Variants in PBRM1 observed in about 807,000 individuals in gnomAD.
The protein encoded by PBRM1 is protein polybromo-1.
A neutral mutation model predicts 194.5 loss-of-function variants in PBRM1; 27 were observed. The ratio of observed to expected loss-of-function variants is 0.14; its 90% CI spans 0.10 to 0.19. The LOEUF is 0.19. Among genes scored for constraint, PBRM1 ranks in the 10% least tolerant of loss-of-function variants. PBRM1 has a pLI of 1.00. For synonymous variants in PBRM1, 655 were observed against 693.2 expected (o/e 0.94, Z 0.87); for missense variants, 1,466 against 2,077.2 (o/e 0.71, Z 5.72).
chr3:52,584,799 T>TAA (rs2092104328), intron 20 of PBRM1, among the ~76,000 whole-genome samples: 1 of 152,186 alleles, frequency 6.6e-6, no homozygotes, highest in African/African-American at 2.4e-5. Flanking sequence ...TTTGTTTATC[T>TAA]AACTACATTG....
intron 17 of PBRM1, among the ~76,000 whole-genome samples, chr3:52,595,012 A>G: frequency 6.6e-6 from 1 of 151,876 alleles, no homozygotes; most frequent in East Asian, 1.9e-4. Context: ...TGGAGAATCT[A>G]GTGATTGTGT....
At chr3:52,644,640 C>T in intron 8 of PBRM1, 64 bp downstream of exon 9, 1 of 716,904 alleles carries the variant, frequency 1.4e-6, no homozygotes, top group Non-Finnish European at 2.4e-6. Flanking sequence ...ACCTCAGCCT[C>T]CCAAAGTGCT....
At chr3:52,685,751 A>C in exon 1 of PBRM1, 2 of 182,050 alleles carry the variant, frequency 1.1e-5, no homozygotes, top group Non-Finnish European at 1.1e-5. Context: ...GGCCTTACCC[A>C]GCCGCTCCGC....
chr3:52,658,289 G>A (rs749979256), exon 5 of PBRM1: 4 of 1,609,624 alleles, frequency 2.5e-6, no homozygotes, highest in Non-Finnish European at 3.4e-6. Flanking sequence ...GCTGCTCCAG[G>A]ATCTCCTTCA....
chr3:52,637,425 C>T (rs997368588), intron 10 of PBRM1, among the ~76,000 whole-genome samples: 2 of 151,940 alleles, frequency 1.3e-5, no homozygotes, highest in East Asian at 1.9e-4. Context: ...TGAGCTCAGG[C>T]GTTTGAGACC....
chr3:52,644,870 CT>C, intron 7 of PBRM1, 81 bp from the exon 9 acceptor site: 2 of 609,538 alleles, frequency 3.3e-6, no homozygotes, highest in South Asian at 1.9e-5. Flanking sequence ...CAATGGGCAC[CT>C]TCTATGGCAC....
At chr3:52,651,837 C>G in intron 5 of PBRM1, 27 bp from the exon 7 acceptor site, 4 of 1,457,864 alleles carry the variant, frequency 2.7e-6, no homozygotes, top group South Asian at 1.2e-5. Context: ...CAGGCATGCT[C>G]AATAAGTTAA....
At chr3:52,606,930 T>C (rs1255101794) in intron 16 of PBRM1, among the ~76,000 whole-genome samples, 1 of 152,228 alleles carries the variant, frequency 6.6e-6, no homozygotes, top group Non-Finnish European at 1.5e-5. Flanking sequence ...TTTTCTCTTG[T>C]TACGTCTCAC....
chr3:52,545,637 G>A, downstream of PBRM1: 1 of 232,886 alleles, frequency 4.3e-6, no homozygotes, highest in East Asian at 6.0e-5. Context: ...AACCAAAACA[G>A]TTAAAGGCCT....
intron 13 of PBRM1, 65 bp from the exon 15 acceptor site, chr3:52,625,006 G>T: frequency 1.9e-6 from 2 of 1,064,978 alleles, no homozygotes; most frequent in Non-Finnish European, 2.8e-6. Context: ...GGAGGGTCAT[G>T]TACAAACCAT....
intron 22 of PBRM1, among the ~76,000 whole-genome samples, chr3:52,564,801 T>C (rs60832323): frequency 0.04 from 6,018 of 152,140 alleles, 400 homozygotes; most frequent in African/African-American, 0.14. Flanking sequence ...AGACAATTCA[T>C]TGGGGGAAAG....
intron 22 of PBRM1, among the ~76,000 whole-genome samples, chr3:52,568,838 T>C (rs1164117912): frequency 6.6e-6 from 1 of 152,206 alleles, no homozygotes; most frequent in Non-Finnish European, 1.5e-5. Context: ...TTTTAATATC[T>C]GGTAAGGATA....
At chr3:52,658,906 C>A (rs905205480) in intron 4 of PBRM1, among the ~76,000 whole-genome samples, 1 of 152,184 alleles carries the variant, frequency 6.6e-6, no homozygotes, top group Non-Finnish European at 1.5e-5. Context: ...AGTTTAAGTG[C>A]TACAAATGTG....
At chr3:52,645,847 T>C (rs1268036716) in intron 7 of PBRM1, among the ~76,000 whole-genome samples, 2 of 152,212 alleles carry the variant, frequency 1.3e-5, no homozygotes, top group African/African-American at 4.8e-5. Context: ...TATGAAGTGC[T>C]TATTTCTGGA....
At position 52,678,491 on chromosome 3, in the gene PBRM1, C is replaced by T. The variant is rs151007561; in HGVS notation, c.236+9G>A. On this transcript the variant is annotated intron_variant, in intron 2 of 29. Transcript: ENST00000296302. ...CCCCCGCAACTGTACTGATGTGCTT[C>T]GAACTCACCTTCGCTTTGGTGCCCT... is the stretch of plus-strand genomic sequence containing the variant. The T allele has an allele frequency of 1.2e-4, 188 of 1,581,498 alleles. 1 individual carries two copies. The East Asian group carries it at 3.2e-3, about 27-fold the overall frequency.
At position 52,641,130 on chromosome 3, in the gene PBRM1, A is replaced by T. The variant is rs560601998; in HGVS notation, c.1087+824T>A. Among the ~76,000 whole-genome samples, 5 of 152,304 alleles carry T rather than the reference A, an allele frequency of 3.3e-5. No homozygotes were observed. In the South Asian group the frequency reaches 8.3e-4, roughly 25 times the overall value. ...TCTATAGGAGATTTAGTTAAAAACA[A>T]GATACAACTGGAGAAGTCTGTTGTG... On this transcript the variant is annotated intron_variant, in intron 10 of 29. Transcript: ENST00000296302.
intron 20 of PBRM1, among the ~76,000 whole-genome samples, chr3:52,581,486 G>C (rs966609302): frequency 6.7e-6 from 1 of 150,374 alleles, no homozygotes; most frequent in Non-Finnish European, 1.5e-5. Context: ...CTCCAACCTG[G>C]GCAGACTCTG....
intron 17 of PBRM1, among the ~76,000 whole-genome samples, chr3:52,596,103 A>G (rs2093509807): frequency 6.6e-6 from 1 of 152,118 alleles, no homozygotes; most frequent in African/African-American, 2.4e-5. Context: ...TTTTGGCTCA[A>G]AATAACTTTA....
At chr3:52,682,159 A>G (rs1003279959), upstream of PBRM1, 1 of 152,226 alleles carries the variant, frequency 6.6e-6, no homozygotes, top group South Asian at 2.1e-4. Flanking sequence ...CAATAAGAGC[A>G]GAGTTCAATC....
Sources: gnomAD v4.1 joint callset for allele counts (sites outside exome capture counted in the v4.1 genomes callset) on GRCh38, gnomAD v4.1.1 for gene constraint, MANE v1.5 for transcripts, NCBI Gene and HGNC (gene_info 2026-07-23, HGNC 2026-07-21) for gene names.